Variants in TNRC18 observed in about 807,000 individuals in gnomAD.
TNRC18 encodes the protein trinucleotide repeat-containing gene 18 protein.
Under a neutral mutation model 226.7 loss-of-function variants are expected in TNRC18, and 69 were observed. The observed-to-expected ratio is 0.30, with a 90% confidence interval of 0.25 to 0.37. TNRC18 has a LOEUF of 0.37. TNRC18 is among the 10% of genes least tolerant of loss of function. TNRC18 has a pLI of 1.00. For synonymous variants in TNRC18, 2,449 were observed against 1,927.6 expected (o/e 1.27, Z -7.09); for missense variants, 4,754 against 4,256.6 (o/e 1.12, Z -3.25).
In TNRC18 at chr7:5,313,762, G is replaced by T. The variant is rs1787551988; in HGVS notation, c.7129C>A (p.Pro2377Thr). 3 of 1,553,528 alleles carry T rather than the reference G, an allele frequency of 1.9e-6. No homozygotes were observed. Among genetic ancestry groups the T allele is most frequent in the Non-Finnish European group, 2.6e-6 (3 of 1,150,542 alleles). Residue 2377 changes from proline to threonine, a missense_variant, in exon 27 of 30, where the codon CCA becomes ACA. Physicochemically the swap from Pro to Thr is conservative, Grantham distance 38. Coordinates refer to ENST00000430969, the MANE Select transcript of TNRC18 (RefSeq NM_001080495.3). The stretch of plus-strand genomic sequence containing the variant: ...TTGGCTCGCTTGTCCACAGGCTCTG[G>T]GGGGCTCTTCTTGGAACCTGGGGTG... ...SSTPGSKKSP[P>T]EPVDKRAKAP...
rs575030010 is a variant in TNRC18, at chr7:5,401,947, G to A, written c.188-7352C>T. On this transcript the variant is annotated intron_variant, in intron 2 of 29. Transcript: ENST00000430969. ...TCCCAGCACTTTGGGAGGCCGAGGC[G>A]GGCAGCTCACAAGGTCAGCAGATCA... 3.0e-3 allele frequency among the ~76,000 whole-genome samples: 445 copies of A among 150,260 alleles called. 3 individuals are homozygous for A. The highest frequency in any genetic ancestry group is 0.01 in the African/African-American group (416 of 40,918).
At chr7:5,339,573 G>A (rs1790474123) in intron 18 of TNRC18, among the ~76,000 whole-genome samples, 1 of 148,116 alleles carries the variant, frequency 6.8e-6, no homozygotes, top group South Asian at 2.1e-4. Flanking sequence ...GTGTGTGTGT[G>A]TGTGTTTTTC....
At position 5,386,141 on chromosome 7, in the gene TNRC18, A is replaced by G. The variant is rs111853684; in HGVS notation, c.2152+1531T>C. 8.3e-4 allele frequency among the ~76,000 whole-genome samples: 126 copies of G among 151,750 alleles called. 3 individuals are homozygous for G. Among genetic ancestry groups the G allele is most frequent in the African/African-American group, 2.8e-3 (117 of 41,290 alleles). Reference sequence around the variant, plus strand: ...GTCTCTACTAAAAGATACAAAAGTTAGCCAGGCGTGATGGCACGCACCTGT... The same window carrying G: ...GTCTCTACTAAAAGATACAAAAGTTGGCCAGGCGTGATGGCACGCACCTGT... On this transcript the variant is annotated intron_variant, in intron 5 of 29. Transcript: ENST00000430969.
rs749016779 is a variant in TNRC18, at chr7:5,315,078, A to C, written c.6933T>G (p.Thr2311=). ...CCGTGCCACCATCTTTGCCCTCCCCAGTGTCTTTGCTGGTCTTCCGGCTGC... is the reference window on the plus strand; with the variant it reads ...CCGTGCCACCATCTTTGCCCTCCCCCGTGTCTTTGCTGGTCTTCCGGCTGC... ...KRRSRKTSKD[T]GEGKDGGTAG... Residue 2311 remains threonine (T), a synonymous_variant, in exon 26 of 30, where the codon ACT becomes ACG. Transcript: ENST00000430969. The C allele has an allele frequency of 6.2e-7, 1 of 1,612,444 alleles. No individual in the cohort carries two copies. The highest frequency in any genetic ancestry group is 1.3e-5 in the African/African-American group (1 of 74,840).
chr7:5,318,330 T>C (rs1416664613), intron 24 of TNRC18, among the ~76,000 whole-genome samples: 2 of 152,112 alleles, frequency 1.3e-5, no homozygotes, highest in South Asian at 2.1e-4. Context: ...ACAATTTTTT[T>C]AAATGACAGC....
At chr7:5,351,136 A>G (rs1165354231) in intron 17 of TNRC18, among the ~76,000 whole-genome samples, 4 of 152,062 alleles carry the variant, frequency 2.6e-5, no homozygotes, top group Admixed American at 6.6e-5. Context: ...GGATATTTGA[A>G]TAACACAGGC....
In TNRC18 at chr7:5,390,528, C is replaced by T; in HGVS notation, c.444G>A (p.Gln148=). 6.2e-7 allele frequency: 1 copy of T among 1,613,664 alleles called. No homozygotes were observed. Among genetic ancestry groups the T allele is most frequent in the Non-Finnish European group, 8.5e-7 (1 of 1,179,772 alleles). The change falls in exon 4 of 30, where the codon CAG becomes CAA. Residue 148 remains glutamine (Q), a synonymous_variant. Transcript: ENST00000430969. ...CTTTCTGGGTATCGAAAATGCTGGG[C>T]TGACCCAGCTGGCTGAGGAGGGGGC... ...SGSPLLSQLG[Q]PSIFDTQKGQ... is the part of the protein sequence containing the mutation.
chr7:5,416,318 G>A (rs1214642271), intron 2 of TNRC18, among the ~76,000 whole-genome samples: 6 of 151,640 alleles, frequency 4.0e-5, no homozygotes, highest in African/African-American at 1.5e-4. Context: ...GGGAGGCTGA[G>A]GCAGGAGAAT....
chr7:5,409,028 C>A (rs1487753068), intron 2 of TNRC18, among the ~76,000 whole-genome samples: 1 of 152,170 alleles, frequency 6.6e-6, no homozygotes, highest in Non-Finnish European at 1.5e-5. Context: ...CGTCAACAGA[C>A]AAGAAACCGC....
chr7:5,314,298 C>G (rs1430417533), intron 26 of TNRC18, among the ~76,000 whole-genome samples: 2 of 152,176 alleles, frequency 1.3e-5, no homozygotes, highest in Non-Finnish European at 2.9e-5. Context: ...CCTGGCCCTG[C>G]TACTTCTTGA....
intron 18 of TNRC18, 57 bp from the exon 19 acceptor site, chr7:5,333,106 A>T: frequency 6.6e-7 from 1 of 1,518,684 alleles, no homozygotes. Context: ...CTTCCCTCCC[A>T]CCCAGCCACA....
chr7:5,395,073 A>G (rs1265705406), intron 2 of TNRC18, among the ~76,000 whole-genome samples: 1 of 152,122 alleles, frequency 6.6e-6, no homozygotes, highest in Non-Finnish European at 1.5e-5. Context: ...CCCTCCAGCC[A>G]GAGAATCACC....
chr7:5,395,996 C>CAA (rs1178969904), intron 2 of TNRC18, among the ~76,000 whole-genome samples: 70 of 107,710 alleles, frequency 6.5e-4, no homozygotes, highest in African/African-American at 2.1e-3. Context: ...GACTCCGTCT[C>CAA]AAAAAAAAAA....
In TNRC18 at chr7:5,307,205, A is replaced by ATG. The variant is rs1554265455; in HGVS notation, c.*899_*900dup. The stretch of plus-strand genomic sequence containing the variant: ...AAAAAATAATATTCTGCACGTCAGA[A>ATG]TGTTTTTTTTTATAATTTCATAGCT... On this transcript the variant is annotated 3_prime_UTR_variant, in exon 30 of 30. Transcript: ENST00000430969. The ATG allele has an allele frequency of 2.3e-4, 11 of 47,060 alleles. No homozygotes were observed. In the Admixed American group the frequency reaches 2.4e-3, roughly 10 times the overall value. The allele number at this position is 47,060 out of a possible 1,614,324, so 2.9% of individuals were successfully genotyped here.
At chr7:5,420,480 A>T (rs1431615354) in intron 2 of TNRC18, 3 of 451,016 alleles carry the variant, frequency 6.7e-6, no homozygotes, top group Non-Finnish European at 1.3e-5. Flanking sequence ...TCTCCCGGGG[A>T]AGAAAGGGGC....
intron 24 of TNRC18, among the ~76,000 whole-genome samples, chr7:5,318,192 A>G (rs917718246): frequency 2.0e-5 from 3 of 151,806 alleles, no homozygotes; most frequent in African/African-American, 7.3e-5. Flanking sequence ...TAATTTTTGT[A>G]TCTTTTTGTA....
At chr7:5,310,973 TGCATGCACGTGCATGGATGCACGTGCAC>T (rs1375034142) in intron 27 of TNRC18, among the ~76,000 whole-genome samples, 1 of 152,262 alleles carries the variant, frequency 6.6e-6, no homozygotes, top group African/African-American at 2.4e-5. Context: ...TGTACTCGTG[TGCATGCACGTGCATGGATGCACGTGCAC>T]GCATGTATGT....
chr7:5,389,414 G>A (rs1780107714), intron 4 of TNRC18, 78 bp from the exon 5 acceptor site: 2 of 1,202,408 alleles, frequency 1.7e-6, no homozygotes, highest in African/African-American at 3.3e-5. Context: ...GCGGACCCCT[G>A]AGAGGGGGAT....
chr7:5,405,984 C>T (rs569171290), intron 2 of TNRC18, among the ~76,000 whole-genome samples: 2 of 152,270 alleles, frequency 1.3e-5, no homozygotes, highest in Admixed American at 6.5e-5. Flanking sequence ...CATAGCAGCA[C>T]TATTCACAAC....
Sources: gnomAD v4.1 joint callset for allele counts (sites outside exome capture counted in the v4.1 genomes callset) on GRCh38, gnomAD v4.1.1 for gene constraint, MANE v1.5 for transcripts, NCBI Gene and HGNC (gene_info 2026-07-23, HGNC 2026-07-21) for gene names.